The following GAL3ST4 variants were observed in gnomAD, a reference collection of about 807,000 sequenced individuals.
GAL3ST4 encodes galactose-3-O-sulfotransferase 4, also known as beta-galactose-3-O-sulfotransferase 4.
A neutral mutation model predicts 31.6 loss-of-function variants in GAL3ST4; 30 were observed. The ratio of observed to expected loss-of-function variants is 0.95; its 90% confidence interval spans 0.71 to 1.29. The LOEUF is 1.29. Ranked by LOEUF, GAL3ST4 falls within the 50% of genes most tolerant of loss-of-function variation. GAL3ST4 has a pLI of 0.00. For synonymous variants in GAL3ST4, 248 were observed against 256.9 expected (o/e 0.97, Z 0.33); for missense variants, 629 against 625.2 (o/e 1.01, Z -0.06).
Position 100,166,647 on chromosome 7 carries a change from A to C in GAL3ST4, c.284T>G (p.Leu95Arg). The change falls in exon 3 of 4, where the codon CTG becomes CGG. Residue 95 changes from leucine (L) to arginine (R), a missense_variant. Physicochemically the swap from Leu to Arg is moderately radical, Grantham distance 102. Transcript: ENST00000360039. ...GTAGCGGGCAGGGAGGGCGAAGCGCAGCCCGTGCTGGTCCCCATAGCGGTG... is the reference window on the plus strand; with the variant it reads ...GTAGCGGGCAGGGAGGGCGAAGCGCCGCCCGTGCTGGTCCCCATAGCGGTG... ...LLHRYGDQHG[L>R]RFALPARYQF... 6.2e-7 allele frequency: 1 copy of C among 1,614,230 alleles called. No individual in the cohort carries two copies. Among genetic ancestry groups the C allele is most frequent in the Non-Finnish European group, 8.5e-7 (1 of 1,180,040 alleles).
intron 3 of GAL3ST4, among the ~76,000 whole-genome samples, chr7:100,164,534 G>A (rs1056197629): frequency 6.6e-6 from 1 of 151,982 alleles, no homozygotes; most frequent in Admixed American, 6.6e-5. Flanking sequence ...GCGTGGTGGC[G>A]GGTGCCTGTA....
chr7:100,160,694 G>A lies in GAL3ST4; in HGVS notation c.695C>T (p.Pro232Leu), dbSNP rs1213969708. Residue 232 changes from proline to leucine, a missense_variant, in exon 4 of 4, where the codon CCC (proline) becomes CTC (leucine). By Grantham distance (98) the Pro-to-Leu change is moderately conservative (BLOSUM62 -3). Coordinates refer to ENST00000360039, the MANE Select transcript of GAL3ST4 (RefSeq NM_024637.5). ...CAGCTGTGGGGGGTTGGGGTCTCTGGGGGGATGAATATTCCCTCTCTTGGC... is the reference window on the plus strand; with the variant it reads ...CAGCTGTGGGGGGTTGGGGTCTCTGAGGGGATGAATATTCCCTCTCTTGGC... ...KRAKRGNIHPPRDPNPPQLQV... is the reference protein window; with the variant it reads ...KRAKRGNIHPLRDPNPPQLQV... The A allele has an allele frequency of 6.2e-7, 1 of 1,613,790 alleles. No individual in the cohort carries two copies. The highest frequency in any genetic ancestry group is 8.5e-7 in the Non-Finnish European group (1 of 1,180,016).
rs758799625 is a variant in GAL3ST4 at position 100,160,105 on chromosome 7, C to T, written c.1284G>A (p.Gln428=). 2 of 1,614,102 alleles carry T rather than the reference C, an allele frequency of 1.2e-6. No individual in the cohort carries two copies. The highest frequency in any genetic ancestry group is 1.7e-6 in the Non-Finnish European group (2 of 1,179,978). Residue 428 remains glutamine (Q), a synonymous_variant, in exon 4 of 4, where the codon CAG becomes CAA. Coordinates refer to ENST00000360039, the MANE Select transcript of GAL3ST4 (RefSeq NM_024637.5). ...AGCCCAAAACCTTAGCTGACCCAAA[C>T]TGGAAGGGGCGGAACCGGCGATCAG... The part of the protein sequence containing the change: ...YITDRRFRPF[Q]FGSAKVLGYI...
At position 100,160,734 on chromosome 7, in the gene GAL3ST4, G is replaced by T; in HGVS notation, c.655C>A (p.Pro219Thr). 6.2e-7 allele frequency: 1 copy of T among 1,614,060 alleles called. No homozygotes were observed. Reference sequence around the variant, plus strand: ...CCTCTCTTGGCCCTCTTCTCTGGGGGAAAGGGCAGGCCAAAGTCAAACCAT... The same window carrying T: ...CCTCTCTTGGCCCTCTTCTCTGGGGTAAAGGGCAGGCCAAAGTCAAACCAT... ...LLWFDFGLPFPPEKRAKRGNI... is the reference protein window; with the variant it reads ...LLWFDFGLPFTPEKRAKRGNI... The change falls in exon 4 of 4, where the codon CCC becomes ACC. Residue 219 changes from proline (P) to threonine (T), a missense_variant. Coordinates refer to ENST00000360039, the MANE Select transcript of GAL3ST4 (RefSeq NM_024637.5).
At position 100,160,769 on chromosome 7, in the gene GAL3ST4, C is replaced by T. The variant is rs143212385; in HGVS notation, c.620G>A (p.Arg207His). ...RPGARGDHYA[R>H]NLLWFDFGLP... Reference sequence around the variant, plus strand: ...GCCAAAGTCAAACCATAGTAAGTTGCGAGCGTAGTGGTCCCCACGGGCCCC... The same window carrying T: ...GCCAAAGTCAAACCATAGTAAGTTGTGAGCGTAGTGGTCCCCACGGGCCCC... The change falls in exon 4 of 4, where the codon CGC (arginine) becomes CAC (histidine). Residue 207 changes from arginine (R) to histidine (H), a missense_variant. Transcript: ENST00000360039. The T allele has an allele frequency of 5.0e-6, 8 of 1,614,052 alleles. No homozygotes were observed. Among genetic ancestry groups the T allele is most frequent in the Admixed American group, 1.7e-5 (1 of 60,006 alleles).
Position 100,167,120 on chromosome 7 carries a change from CAGAG to C in GAL3ST4, c.-29_-26del, listed in dbSNP as rs760584891. 1 of 1,552,406 alleles carries C rather than the reference CAGAG, an allele frequency of 6.4e-7. No homozygotes were observed. The highest frequency in any genetic ancestry group is 8.7e-7 in the Non-Finnish European group (1 of 1,147,414). On this transcript the variant is annotated 5_prime_UTR_variant, in exon 2 of 4. Coordinates refer to ENST00000360039, the MANE Select transcript of GAL3ST4 (RefSeq NM_024637.5). Reference sequence around the variant, plus strand: ...TGTGGCACAGGGAAGGGTGAGGTGACAGAGAGATGGAGCCAGGGCCAGGAAGAGG... The same window carrying C: ...TGTGGCACAGGGAAGGGTGAGGTGACAGATGGAGCCAGGGCCAGGAAGAGG...
intron 3 of GAL3ST4, among the ~76,000 whole-genome samples, chr7:100,165,600 G>A (rs2116973920): frequency 6.6e-6 from 1 of 152,112 alleles, no homozygotes; most frequent in Admixed American, 6.6e-5. Context: ...CCAGGCTGAG[G>A]TGGGAGGATC....
At position 100,160,332 on chromosome 7, in the gene GAL3ST4, G is replaced by A. The variant is rs112880621; in HGVS notation, c.1057C>T (p.Arg353Trp). The change falls in exon 4 of 4, where the codon CGG (arginine) becomes TGG (tryptophan). Residue 353 changes from arginine to tryptophan, a missense_variant. Arg to Trp is a moderately radical substitution (Grantham distance 101). Coordinates refer to ENST00000360039, the MANE Select transcript of GAL3ST4 (RefSeq NM_024637.5). The part of the protein sequence containing the change: ...VSNSGLTAED[R>W]QLTARARAWN... ...GCTCGGGCCCGTGCAGTCAGCTGCCGGTCCTCCGCAGTCAGTCCACTGTTG... is the reference window on the plus strand; with the variant it reads ...GCTCGGGCCCGTGCAGTCAGCTGCCAGTCCTCCGCAGTCAGTCCACTGTTG... 3.1e-3 allele frequency: 5,075 copies of A among 1,613,826 alleles called. 122 individuals carry two copies. In the African/African-American group the frequency reaches 0.055, roughly 18 times the overall value.
At position 100,159,969 on chromosome 7, in the gene GAL3ST4, C is replaced by A; in HGVS notation, c.1420G>T (p.Val474Phe). 6.2e-7 allele frequency: 1 copy of A among 1,612,364 alleles called. No individual in the cohort carries two copies. ...CTTGAAGTCTTGAGGGGCAGTGAGA[C>A]GGTAGGGGGGAACTGCTTGGCATCC... ...KLDAKQFPPTVSLPLKTSRPL... is the reference protein window; with the variant it reads ...KLDAKQFPPTFSLPLKTSRPL... The change falls in exon 4 of 4, where the codon GTC becomes TTC. Residue 474 changes from valine (V) to phenylalanine (F), a missense_variant. Transcript: ENST00000360039.
chr7:100,166,918 G>A (rs1799084101), intron 2 of GAL3ST4, 53 bp downstream of exon 2: 2 of 1,575,790 alleles, frequency 1.3e-6, no homozygotes, highest in Non-Finnish European at 1.7e-6. Flanking sequence ...GGTGGGATGG[G>A]GAAGAGCAAG....
chr7:100,160,050 C>T lies in GAL3ST4; in HGVS notation c.1339G>A (p.Asp447Asn). 1 of 1,614,104 alleles carries T rather than the reference C, an allele frequency of 6.2e-7. No individual in the cohort carries two copies. Among genetic ancestry groups the T allele is most frequent in the Non-Finnish European group, 8.5e-7 (1 of 1,180,016 alleles). ...GCTAGGCGCTCACATTCCTCTTGGT[C>T]TTGGGGGCTCAATCCACTCCGAAGT... ...YILRSGLSPQDQEECERLATP... is the reference protein window; with the variant it reads ...YILRSGLSPQNQEECERLATP... The change falls in exon 4 of 4, where the codon GAC becomes AAC. Residue 447 changes from aspartate (D) to asparagine (N), a missense_variant. Coordinates refer to ENST00000360039, the MANE Select transcript of GAL3ST4 (RefSeq NM_024637.5).
intron 3 of GAL3ST4, 107 bp from the exon 4 acceptor site, chr7:100,161,066 C>G: frequency 2.1e-6 from 2 of 931,020 alleles, no homozygotes; most frequent in Non-Finnish European, 3.1e-6. Flanking sequence ...ACCTCCTCCT[C>G]CCAGCTCTGC....
At chr7:100,162,868 G>A (rs893833197) in intron 3 of GAL3ST4, among the ~76,000 whole-genome samples, 1 of 151,454 alleles carries the variant, frequency 6.6e-6, no homozygotes, top group Non-Finnish European at 1.5e-5. Flanking sequence ...GGGAGGGGAG[G>A]AAAAGGAAGG....
chr7:100,164,382 C>G (rs1056520964), intron 3 of GAL3ST4, among the ~76,000 whole-genome samples: 5 of 152,088 alleles, frequency 3.3e-5, no homozygotes, highest in Non-Finnish European at 7.4e-5. Flanking sequence ...CCCCCGCTCT[C>G]GGCTGGGCAC....
At position 100,160,177 on chromosome 7, in the gene GAL3ST4, C is replaced by G; in HGVS notation, c.1212G>C (p.Ala404=). Residue 404 remains alanine, a synonymous_variant, in exon 4 of 4, where the codon GCG becomes GCC. Transcript: ENST00000360039. ...AELRARREAL[A]KHCLVGGEAS... ...CCTCACCCCCTACCAGACAATGTTT[C>G]GCTAGGGCCTCTCGGCGAGCCCGGA... The G allele has an allele frequency of 1.2e-6, 2 of 1,614,066 alleles. No homozygotes were observed. The highest frequency in any genetic ancestry group is 1.7e-6 in the Non-Finnish European group (2 of 1,179,950).
intron 3 of GAL3ST4, among the ~76,000 whole-genome samples, chr7:100,165,853 A>ACACACACC (rs1163521190): frequency 5.9e-5 from 9 of 151,536 alleles, no homozygotes; most frequent in Non-Finnish European, 1.0e-4. Flanking sequence ...ACACACACAC[A>ACACACACC]CACACAGGCT....
rs759792669 is a variant in GAL3ST4 at position 100,160,849 on chromosome 7, G to T, written c.540C>A (p.Arg180=). 6.2e-7 allele frequency: 1 copy of T among 1,614,234 alleles called. No individual in the cohort carries two copies. The highest frequency in any genetic ancestry group is 1.6e-4 in the Middle Eastern group (1 of 6,062). ...GGAAGGCAGCCAAAGATGGTGACTT[G>T]CGGAAGGCTGATGAGGTGGATTTAT... ...SYYKSTSSAF[R]KSPSLAAFLA... Residue 180 remains arginine, a synonymous_variant, in exon 4 of 4, where the codon CGC becomes CGA. Coordinates refer to ENST00000360039, the MANE Select transcript of GAL3ST4 (RefSeq NM_024637.5).
At position 100,167,066 on chromosome 7, in the gene GAL3ST4, C is replaced by T; in HGVS notation, c.30G>A (p.Leu10=). Residue 10 remains leucine (L), a synonymous_variant, in exon 2 of 4, where the codon CTG becomes CTA. Coordinates refer to ENST00000360039, the MANE Select transcript of GAL3ST4 (RefSeq NM_024637.5). The stretch of plus-strand genomic sequence containing the variant: ...CCAGGCTCCGAGGTCCCCAGAGCCG[C>T]AGCGTCCTGGCAGGAGAGAGAGGGC... MGPLSPART[L]RLWGPRSLGV... 6.4e-7 allele frequency: 1 copy of T among 1,557,126 alleles called. No homozygotes were observed. Among genetic ancestry groups the T allele is most frequent in the Non-Finnish European group, 8.7e-7 (1 of 1,149,722 alleles).
In GAL3ST4 at chr7:100,160,116, G is replaced by A. The variant is rs200159207; in HGVS notation, c.1273C>T (p.Arg425Cys). ...DPKYITDRRFRPFQFGSAKVL... is the reference protein window; with the variant it reads ...DPKYITDRRFCPFQFGSAKVL... ...TTAGCTGACCCAAACTGGAAGGGGCGGAACCGGCGATCAGTGATGTATTTG... is the reference window on the plus strand; with the variant it reads ...TTAGCTGACCCAAACTGGAAGGGGCAGAACCGGCGATCAGTGATGTATTTG... The change falls in exon 4 of 4, where the codon CGC becomes TGC. Residue 425 changes from arginine to cysteine, a missense_variant. Transcript: ENST00000360039. 187 of 1,613,918 alleles carry A rather than the reference G, an allele frequency of 1.2e-4. 1 individual carries two copies. Among genetic ancestry groups the A allele is most frequent in the Non-Finnish European group, 1.5e-4 (175 of 1,179,964 alleles).
Sources: allele counts gnomAD v4.1 joint callset (sites outside exome capture counted in the v4.1 genomes callset), GRCh38; gene constraint gnomAD v4.1.1; transcripts MANE v1.5; gene names NCBI Gene and HGNC (gene_info 2026-07-23, HGNC 2026-07-21).